The following PPP1R1C variants were observed in gnomAD, a reference collection of about 807,000 sequenced individuals.
The protein encoded by PPP1R1C is protein phosphatase 1 regulatory inhibitor subunit 1C.
A neutral mutation model predicts 17.4 loss-of-function variants in PPP1R1C; 15 were observed. The ratio of observed to expected loss-of-function variants is 0.86; its 90% CI spans 0.58 to 1.33. PPP1R1C has a LOEUF of 1.33. Ranked by LOEUF, PPP1R1C falls within the 40% of genes most tolerant of loss-of-function variation. The pLI, the probability that PPP1R1C is intolerant of heterozygous loss-of-function variation, is 0.00. For synonymous variants in PPP1R1C, 35 were observed against 43.1 expected (o/e 0.81, Z 0.73); for missense variants, 143 against 130.0 (o/e 1.10, Z -0.48).
intron 4 of PPP1R1C, among the ~76,000 whole-genome samples, chr2:182,111,810 C>T (rs1320252488): frequency 1.3e-5 from 2 of 151,668 alleles, no homozygotes; most frequent in African/African-American, 4.8e-5. Flanking sequence ...CTTAGGGTGC[C>T]AATACTCAAG....
At chr2:182,057,010 A>C (rs2125193263) in intron 2 of PPP1R1C, among the ~76,000 whole-genome samples, 1 of 152,324 alleles carries the variant, frequency 6.6e-6, no homozygotes, top group African/African-American at 2.4e-5. Flanking sequence ...ACACTTAAAA[A>C]TTGTTAAAAG....
At chr2:182,067,665 A>G (rs1210175385) in intron 4 of PPP1R1C, among the ~76,000 whole-genome samples, 15 of 152,126 alleles carry the variant, frequency 9.9e-5, no homozygotes. Flanking sequence ...TGGGTTGTTC[A>G]CCCCACAAAA....
At chr2:182,043,556 A>C (rs942861609) in intron 2 of PPP1R1C, among the ~76,000 whole-genome samples, 1 of 150,780 alleles carries the variant, frequency 6.6e-6, no homozygotes, top group Non-Finnish European at 1.5e-5. Context: ...CCTAAACAGC[A>C]CGCCATGTGT....
At chr2:182,032,140 G>T (rs191915390) in intron 2 of PPP1R1C, among the ~76,000 whole-genome samples, 1 of 152,318 alleles carries the variant, frequency 6.6e-6, no homozygotes, top group Non-Finnish European at 1.5e-5. Context: ...ATGGAAACTG[G>T]CCTTCTGAAA....
At chr2:181,983,159 T>C (rs1685224205), upstream of PPP1R1C, among the ~76,000 whole-genome samples, 1 of 152,182 alleles carries the variant, frequency 6.6e-6, no homozygotes, top group South Asian at 2.1e-4. Flanking sequence ...CTGCGGAGAT[T>C]CTGTTGACTG....
chr2:182,070,888 A>G (rs1388097678), intron 4 of PPP1R1C, among the ~76,000 whole-genome samples: 2 of 152,128 alleles, frequency 1.3e-5, no homozygotes, highest in Non-Finnish European at 2.9e-5. Context: ...TAGGAGGAAG[A>G]GAGGGAGGAG....
At chr2:182,015,980 G>A (rs938001249) in intron 2 of PPP1R1C, among the ~76,000 whole-genome samples, 1 of 152,166 alleles carries the variant, frequency 6.6e-6, no homozygotes, top group African/African-American at 2.4e-5. Flanking sequence ...GCCCAGCACA[G>A]CACTAGGACT....
chr2:182,061,509 G>GC, intron 3 of PPP1R1C, 30 bp downstream of exon 3: 1 of 1,401,872 alleles, frequency 7.1e-7, no homozygotes, highest in Non-Finnish European at 9.4e-7. Context: ...TTGTATAAAT[G>GC]TGTTCAAATC....
rs556509224 is a variant in PPP1R1C, at chr2:182,018,943, T to C, written c.142+31044T>C. Among the ~76,000 whole-genome samples, 10 of 152,240 alleles carry C rather than the reference T, an allele frequency of 6.6e-5. No individual in the cohort carries two copies. The East Asian group carries it at 1.5e-3, about 24-fold the overall frequency. On this transcript the variant is annotated intron_variant, in intron 2 of 4. Transcript: ENST00000682840. ...ATGGATAATTGGGTAATTAGAAACC[T>C]GGAAAAGGAAAATACTTTTGTGGTG...
chr2:182,113,497 A>G (rs1689498147), intron 4 of PPP1R1C, among the ~76,000 whole-genome samples: 1 of 152,122 alleles, frequency 6.6e-6, no homozygotes, highest in African/African-American at 2.4e-5. Flanking sequence ...TTGCAGGAAA[A>G]GTCTGACCAA....
At chr2:182,050,687 A>T (rs1400009) in intron 2 of PPP1R1C, among the ~76,000 whole-genome samples, 1 of 152,100 alleles carries the variant, frequency 6.6e-6, no homozygotes, top group Non-Finnish European at 1.5e-5. Context: ...TTAAACACTA[A>T]TCTTACCTCA....
intron 2 of PPP1R1C, among the ~76,000 whole-genome samples, chr2:182,056,632 C>CTCT (rs942834642): frequency 5.3e-5 from 8 of 152,140 alleles, no homozygotes; most frequent in African/African-American, 1.9e-4. Flanking sequence ...GAAATTGAGT[C>CTCT]TCTTCTTACC....
chr2:181,989,090 T>G (rs1347962016), intron 2 of PPP1R1C, among the ~76,000 whole-genome samples: 1 of 152,218 alleles, frequency 6.6e-6, no homozygotes, highest in Non-Finnish European at 1.5e-5. Flanking sequence ...GGGGTAATTT[T>G]ATAGCAATTT....
chr2:182,082,149 A>G (rs1921148), intron 4 of PPP1R1C, among the ~76,000 whole-genome samples: 84,502 of 152,006 alleles, frequency 0.56, 23,939 homozygotes, highest in Non-Finnish European at 0.61. Context: ...GACATTTTTT[A>G]CACTTAATCT....
intron 4 of PPP1R1C, among the ~76,000 whole-genome samples, chr2:182,082,653 C>T (rs1318130022): frequency 1.3e-5 from 2 of 152,024 alleles, no homozygotes; most frequent in Non-Finnish European, 2.9e-5. Flanking sequence ...GTTGATTATT[C>T]CAGCAATAGA....
intron 2 of PPP1R1C, among the ~76,000 whole-genome samples, chr2:182,034,834 C>T (rs781050302): frequency 6.6e-6 from 1 of 152,100 alleles, no homozygotes; most frequent in Non-Finnish European, 1.5e-5. Flanking sequence ...GGAGGGTAGG[C>T]CACCAAAATC....
intron 2 of PPP1R1C, among the ~76,000 whole-genome samples, chr2:182,025,174 A>AATTATT (rs533389640): frequency 3.9e-4 from 57 of 147,566 alleles, no homozygotes; most frequent in African/African-American, 1.3e-3. Flanking sequence ...AAGTAAATAA[A>AATTATT]ATTATTATTA....
At chr2:182,007,223 G>GAC (rs897452725) in intron 2 of PPP1R1C, among the ~76,000 whole-genome samples, 4 of 151,814 alleles carry the variant, frequency 2.6e-5, no homozygotes, top group African/African-American at 9.7e-5. Context: ...GTTATTGTTG[G>GAC]ACACACACAC....
chr2:181,999,612 T>G (rs1685703235), intron 2 of PPP1R1C, among the ~76,000 whole-genome samples: 1 of 152,174 alleles, frequency 6.6e-6, no homozygotes, highest in Non-Finnish European at 1.5e-5. Context: ...CCATGTGAGA[T>G]TCTGTTTGAT....
Sources: gnomAD v4.1 joint callset for allele counts (sites outside exome capture counted in the v4.1 genomes callset) on GRCh38, gnomAD v4.1.1 for gene constraint, MANE v1.5 for transcripts, NCBI Gene and HGNC (gene_info 2026-07-23, HGNC 2026-07-21) for gene names.